Variants in CFAP299 observed in about 807,000 individuals in gnomAD.
CFAP299 encodes cilia- and flagella-associated protein 299.
Under a neutral mutation model 27.0 loss-of-function variants are expected in CFAP299, and 21 were observed. The ratio of observed to expected loss-of-function variants is 0.78; its 90% CI spans 0.55 to 1.12. The LOEUF (loss-of-function observed/expected upper bound fraction) is 1.12, where lower values mean the gene tolerates loss of function less well. CFAP299 is among the 50% of genes most tolerant of loss of function. The pLI is 0.00. For synonymous variants in CFAP299, 104 were observed against 98.1 expected (o/e 1.06, Z -0.36); for missense variants, 310 against 276.6 (o/e 1.12, Z -0.86).
At chr4:80,459,413 A>C (rs1729329668) in intron 2 of CFAP299, among the ~76,000 whole-genome samples, 1 of 152,164 alleles carries the variant, frequency 6.6e-6, no homozygotes, top group African/African-American at 2.4e-5. Context: ...CAACATGTAA[A>C]ACCTCACATC....
At chr4:80,807,595 T>C (rs1728929445) in intron 3 of CFAP299, among the ~76,000 whole-genome samples, 1 of 152,108 alleles carries the variant, frequency 6.6e-6, no homozygotes, top group South Asian at 2.1e-4. Flanking sequence ...AGCTGATCTT[T>C]AATAAAGGTC....
intron 5 of CFAP299, among the ~76,000 whole-genome samples, chr4:80,954,258 A>T (rs990024329): frequency 6.6e-6 from 1 of 152,188 alleles, no homozygotes; most frequent in Non-Finnish European, 1.5e-5. Flanking sequence ...TAGTTCAAAA[A>T]AAGAGCATGT....
intron 2 of CFAP299, among the ~76,000 whole-genome samples, chr4:80,574,232 T>G (rs898704047): frequency 6.6e-6 from 1 of 152,124 alleles, no homozygotes; most frequent in African/African-American, 2.4e-5. Context: ...ATGGGATTAA[T>G]TTTTTATTTC....
intron 3 of CFAP299, among the ~76,000 whole-genome samples, chr4:80,702,871 G>A (rs898896489): frequency 6.6e-6 from 1 of 151,678 alleles, no homozygotes; most frequent in Non-Finnish European, 1.5e-5. Context: ...GTAGTACTTG[G>A]AAAAGATGAC....
chr4:80,752,000 G>A (rs187267908), intron 3 of CFAP299, among the ~76,000 whole-genome samples: 2 of 151,760 alleles, frequency 1.3e-5, no homozygotes, highest in Admixed American at 6.5e-5. Context: ...CTGCTCTGCT[G>A]AGACTCCACA....
At chr4:80,854,810 GAAAAAAAAAAAAAA>G (rs58533748) in intron 3 of CFAP299, among the ~76,000 whole-genome samples, 115 of 43,384 alleles carry the variant, frequency 2.7e-3, no homozygotes, top group African/African-American at 8.0e-3. Context: ...CTGTTGCTAT[GAAAAAAAAAAAAAA>G]AAAAAAAAAA....
chr4:80,386,925 G>T, intron 2 of CFAP299: 3 of 847,404 alleles, frequency 3.5e-6, no homozygotes, highest in South Asian at 1.3e-5. Flanking sequence ...GTGGTTGTGA[G>T]CGCGCAGTTT....
At chr4:80,825,234 A>G (rs2110127136) in intron 3 of CFAP299, among the ~76,000 whole-genome samples, 1 of 151,952 alleles carries the variant, frequency 6.6e-6, no homozygotes, top group African/African-American at 2.4e-5. Flanking sequence ...GAAAAGAAAA[A>G]AAATGATTGA....
At chr4:80,706,069 A>C (rs954938457) in intron 3 of CFAP299, among the ~76,000 whole-genome samples, 2 of 151,904 alleles carry the variant, frequency 1.3e-5, no homozygotes, top group Non-Finnish European at 2.9e-5. Context: ...AGATGTGTTG[A>C]AGTGCATATG....
chr4:80,733,910 T>C (rs1349200165), intron 3 of CFAP299, among the ~76,000 whole-genome samples: 4 of 152,162 alleles, frequency 2.6e-5, no homozygotes, highest in African/African-American at 2.4e-5. Context: ...CTATTGTGAA[T>C]AGTGCTGTAA....
chr4:80,502,539 GT>G (rs1048458625), intron 2 of CFAP299, among the ~76,000 whole-genome samples: 3 of 151,930 alleles, frequency 2.0e-5, no homozygotes, highest in African/African-American at 4.8e-5. Context: ...ATCTATTGCT[GT>G]TTTTTTCTTC....
chr4:80,598,123 A>G (rs897709856), intron 3 of CFAP299, among the ~76,000 whole-genome samples: 1 of 152,234 alleles, frequency 6.6e-6, no homozygotes, highest in African/African-American at 2.4e-5. Flanking sequence ...AAAGTTTAGA[A>G]GTTTTCAGTA....
At chr4:80,950,369 T>A (rs1163728903) in intron 5 of CFAP299, among the ~76,000 whole-genome samples, 1 of 151,500 alleles carries the variant, frequency 6.6e-6, no homozygotes, top group African/African-American at 2.4e-5. Context: ...AACTGGTGAG[T>A]GGGTGGGAAA....
intron 3 of CFAP299, among the ~76,000 whole-genome samples, chr4:80,666,575 A>G (rs145356411): frequency 6.6e-6 from 1 of 152,160 alleles, no homozygotes; most frequent in Admixed American, 6.5e-5. Context: ...TTCTCATCCT[A>G]TATCTCACAA....
chr4:80,947,391 A>T (rs1416021480), intron 5 of CFAP299, among the ~76,000 whole-genome samples: 1 of 152,188 alleles, frequency 6.6e-6, no homozygotes, highest in African/African-American at 2.4e-5. Flanking sequence ...TGTTGGTCTC[A>T]GCATTAGTAA....
chr4:80,788,514 TATATATGTGTATAGAC>T (rs942344930), intron 3 of CFAP299, among the ~76,000 whole-genome samples: 4 of 152,048 alleles, frequency 2.6e-5, no homozygotes, highest in African/African-American at 9.7e-5. Context: ...CATATATATG[TATATATGTGTATAGAC>T]ATATATGTGT....
intron 2 of CFAP299, among the ~76,000 whole-genome samples, chr4:80,450,690 T>A (rs72659854): frequency 6.8e-6 from 1 of 147,330 alleles, no homozygotes; most frequent in Non-Finnish European, 1.5e-5. Flanking sequence ...GATGTTCATA[T>A]ATGTCAAAGT....
intron 3 of CFAP299, among the ~76,000 whole-genome samples, chr4:80,777,636 G>T (rs1214381747): frequency 2.0e-5 from 3 of 152,104 alleles, no homozygotes; most frequent in Admixed American, 6.6e-5. Flanking sequence ...CTTGAAATGC[G>T]TATTAATCAA....
chr4:80,907,753 G>A (rs1031842296), intron 4 of CFAP299, among the ~76,000 whole-genome samples: 2 of 152,136 alleles, frequency 1.3e-5, no homozygotes, highest in Non-Finnish European at 2.9e-5. Context: ...CTCACAACAC[G>A]TGGGGATTAT....
Sources: allele counts gnomAD v4.1 joint callset (sites outside exome capture counted in the v4.1 genomes callset), GRCh38; gene constraint gnomAD v4.1.1; transcripts MANE v1.5; gene names NCBI Gene and HGNC (gene_info 2026-07-23, HGNC 2026-07-21).